The following PASK variants were observed in gnomAD, a reference collection of about 807,000 sequenced individuals.
PASK encodes PAS domain-containing serine/threonine-protein kinase.
A neutral mutation model predicts 121.0 loss-of-function variants in PASK; 110 were observed. That is an observed-to-expected ratio of 0.91 (90% CI 0.78 to 1.06). The LOEUF is 1.06. Ranked by LOEUF, PASK falls within the 50% of genes least tolerant of loss-of-function variation. PASK has a pLI of 0.00. For missense variants in PASK, 1,643 were observed against 1,702.3 expected, an observed-to-expected ratio of 0.97 and a Z score of 0.61; for synonymous variants, 686 against 717.8, an observed-to-expected ratio of 0.96 and a Z score of 0.71.
intron 15 of PASK, among the ~76,000 whole-genome samples, chr2:241,110,019 A>G (rs1244774403): frequency 2.0e-5 from 3 of 152,270 alleles, no homozygotes; most frequent in Non-Finnish European, 4.4e-5. Context: ...TTGTAGCAGC[A>G]TCACGAACAA....
At chr2:241,144,846 T>C (rs986463357) in intron 1 of PASK, among the ~76,000 whole-genome samples, 1 of 152,232 alleles carries the variant, frequency 6.6e-6, no homozygotes, top group African/African-American at 2.4e-5. Context: ...TGGCCATCTT[T>C]GGTGTTCTTG....
chr2:241,111,552 T>G (rs1198475229), intron 15 of PASK, among the ~76,000 whole-genome samples: 1 of 152,174 alleles, frequency 6.6e-6, no homozygotes, highest in Non-Finnish European at 1.5e-5. Flanking sequence ...GCAGACAGTC[T>G]CCACTCAGGC....
At position 241,106,729 on chromosome 2, in the gene PASK, G is replaced by T; in HGVS notation, c.3815-6C>A. Reference sequence around the variant, plus strand: ...AGCGGACAGAACTCCACTTTCTGAAGAAACAAGAAGGTAACTGTATCACGT... The same window carrying T: ...AGCGGACAGAACTCCACTTTCTGAATAAACAAGAAGGTAACTGTATCACGT... On this transcript the variant is annotated splice_polypyrimidine_tract_variant and splice_region_variant and intron_variant, in intron 17 of 17. Transcript: ENST00000234040. 2 of 1,613,862 alleles carry T rather than the reference G, an allele frequency of 1.2e-6. No homozygotes were observed. The highest frequency in any genetic ancestry group is 1.3e-5 in the African/African-American group (1 of 75,048).
At chr2:241,113,913 TA>T in intron 14 of PASK, 1 of 984,290 alleles carries the variant, frequency 1.0e-6, no homozygotes, top group Non-Finnish European at 1.2e-6. Context: ...TCATATACTT[TA>T]TAAAATTGTG....
intron 4 of PASK, among the ~76,000 whole-genome samples, chr2:241,139,400 A>G (rs2066594189): frequency 6.6e-6 from 1 of 152,098 alleles, no homozygotes; most frequent in African/African-American, 2.4e-5. Context: ...TCCACATCCA[A>G]CTCAGCTCAC....
chr2:241,114,128 A>C (rs1281087523), intron 14 of PASK: 1 of 985,278 alleles, frequency 1.0e-6, no homozygotes, highest in African/African-American at 1.7e-5. Flanking sequence ...AAAGTTTCAG[A>C]AACAAGTGTT....
chr2:241,131,610 G>A (rs1385964175), intron 9 of PASK, among the ~76,000 whole-genome samples: 4 of 152,088 alleles, frequency 2.6e-5, no homozygotes, highest in African/African-American at 7.2e-5. Context: ...CAGGCTCAAC[G>A]GCAGGCAGTC....
At chr2:241,115,536 C>T (rs2065294069) in intron 12 of PASK, 123 bp from the exon 13 acceptor site, 2 of 1,186,262 alleles carry the variant, frequency 1.7e-6, no homozygotes, top group Non-Finnish European at 2.5e-6. Flanking sequence ...TCAAGCATCC[C>T]ATTACACCAG....
rs1267463548 is a variant in PASK, at chr2:241,117,904, A to C, written c.3073-2491T>G. ...AATATATTCTAGCAAATGAAAAATAAACCTGGAAAAAAGAAGAAACTGGAC... is the reference window on the plus strand; with the variant it reads ...AATATATTCTAGCAAATGAAAAATACACCTGGAAAAAAGAAGAAACTGGAC... On this transcript the variant is annotated intron_variant, in intron 12 of 17. Transcript: ENST00000234040. 3.3e-5 allele frequency among the ~76,000 whole-genome samples: 5 copies of C among 152,320 alleles called. No individual in the cohort carries two copies. In the South Asian group the frequency reaches 8.3e-4, roughly 25 times the overall value.
In PASK at chr2:241,142,848, G is replaced by A. The variant is rs144572631; in HGVS notation, c.185C>T (p.Thr62Ile). The A allele has an allele frequency of 3.9e-4, 634 of 1,612,192 alleles. No homozygotes were observed. The highest frequency in any genetic ancestry group is 4.8e-4 in the Non-Finnish European group (568 of 1,178,674). Residue 62 changes from threonine (T) to isoleucine (I), a missense_variant, in exon 2 of 18, where the codon ACA becomes ATA. Coordinates refer to ENST00000234040, the MANE Select transcript of PASK (RefSeq NM_015148.4). Reference protein sequence around the residue: ...NGLSRLCQSRTALSEDRWSSY... With the variant: ...NGLSRLCQSRIALSEDRWSSY... Reference sequence around the variant, plus strand: ...TCGAAGGTCATTACCAGAGAGCGCTGTCCTGCTCTGGCAGAGTCTGGAAAG... The same window carrying A: ...TCGAAGGTCATTACCAGAGAGCGCTATCCTGCTCTGGCAGAGTCTGGAAAG...
rs995324835 is a variant in PASK, at chr2:241,138,634, A to G, written c.741+20T>C. On this transcript the variant is annotated intron_variant, in intron 5 of 17. Coordinates refer to ENST00000234040, the MANE Select transcript of PASK (RefSeq NM_015148.4). ...CCGGCTCCAGCGTCCATGAGACATGAGGCAAAGTTGCACACTCACATCGCT... is the reference window on the plus strand; with the variant it reads ...CCGGCTCCAGCGTCCATGAGACATGGGGCAAAGTTGCACACTCACATCGCT... 6.2e-7 allele frequency: 1 copy of G among 1,613,700 alleles called. No individual in the cohort carries two copies. The highest frequency in any genetic ancestry group is 1.7e-5 in the Admixed American group (1 of 60,030).
At chr2:241,143,177 A>C in intron 1 of PASK, 103 bp from the exon 2 acceptor site, 1 of 708,534 alleles carries the variant, frequency 1.4e-6, no homozygotes, top group African/African-American at 1.7e-5. Flanking sequence ...CCCAAAAGAC[A>C]TACACCACCA....
intron 1 of PASK, among the ~76,000 whole-genome samples, chr2:241,143,942 A>G (rs752947565): frequency 3.4e-4 from 52 of 152,258 alleles, no homozygotes; most frequent in African/African-American, 1.2e-3. Context: ...ATGCTGATAC[A>G]GGGTGGAAAT....
Position 241,146,553 on chromosome 2 carries a change from T to C in PASK, c.-43+2861A>G, listed in dbSNP as rs867768316. On this transcript the variant is annotated intron_variant, in intron 1 of 17. Coordinates refer to ENST00000234040, the MANE Select transcript of PASK (RefSeq NM_015148.4). ...TTAAATTCTGGTATATTCATACCACTAATTACAGCAGTGAAAACAAATAAA... is the reference window on the plus strand; with the variant it reads ...TTAAATTCTGGTATATTCATACCACCAATTACAGCAGTGAAAACAAATAAA... Among the ~76,000 whole-genome samples, 5 of 152,326 alleles carry C rather than the reference T, an allele frequency of 3.3e-5. 1 individual carries two copies. In the South Asian group the frequency reaches 1.0e-3, roughly 32 times the overall value.
Position 241,142,339 on chromosome 2 carries a change from G to A in PASK, c.196+498C>T, listed in dbSNP as rs188861028. Among the ~76,000 whole-genome samples, 9 of 152,292 alleles carry A rather than the reference G, an allele frequency of 5.9e-5. No individual in the cohort carries two copies. In the East Asian group the frequency reaches 1.7e-3, roughly 29 times the overall value. ...AGACAGCCCCTGAAAGGCAAGTGAC[G>A]CTTCCTTCCTCACCATGGCCCAGTC... On this transcript the variant is annotated intron_variant, in intron 2 of 17. Coordinates refer to ENST00000234040, the MANE Select transcript of PASK (RefSeq NM_015148.4).
chr2:241,132,759 G>C (rs2066224924), intron 9 of PASK, 115 bp downstream of exon 9: 1 of 902,552 alleles, frequency 1.1e-6, no homozygotes, highest in Admixed American at 1.9e-5. Flanking sequence ...ACACATGTGA[G>C]TTTTCAATGT....
Position 241,126,741 on chromosome 2 carries a change from C to A in PASK, c.2174G>T (p.Gly725Val). 6.2e-7 allele frequency: 1 copy of A among 1,614,078 alleles called. No homozygotes were observed. The highest frequency in any genetic ancestry group is 8.5e-7 in the Non-Finnish European group (1 of 1,180,034). Residue 725 changes from glycine (G) to valine (V), a missense_variant, in exon 10 of 18, where the codon GGC (glycine) becomes GTC (valine). Physicochemically the swap from Gly to Val is moderately radical, Grantham distance 109. Coordinates refer to ENST00000234040, the MANE Select transcript of PASK (RefSeq NM_015148.4). ...CYALATDLPG[G>V]LEAVEAQEVD... The stretch of plus-strand genomic sequence containing the variant: ...CTCCTGGGCCTCCACTGCTTCCAGG[C>A]CCCCAGGGAGGTCCGTGGCCAAGGC...
At chr2:241,125,366 C>T (rs1012536702) in intron 10 of PASK, among the ~76,000 whole-genome samples, 2 of 151,278 alleles carry the variant, frequency 1.3e-5, no homozygotes, top group Non-Finnish European at 2.9e-5. Context: ...TTTGGGAAGC[C>T]GAGGCGGGCG....
Position 241,126,638 on chromosome 2 carries a change from A to G in PASK, c.2277T>C (p.Cys759=). The G allele has an allele frequency of 6.2e-7, 1 of 1,614,196 alleles. No homozygotes were observed. Among genetic ancestry groups the G allele is most frequent in the Non-Finnish European group, 8.5e-7 (1 of 1,180,034 alleles). Residue 759 remains cysteine, a synonymous_variant, in exon 10 of 18, where the codon TGT becomes TGC. Coordinates refer to ENST00000234040, the MANE Select transcript of PASK (RefSeq NM_015148.4). ...CTCTGAGTTCAGACGTAGCACAGGAACAATTTGATGACGTTTGGTCTGTCT... is the reference window on the plus strand; with the variant it reads ...CTCTGAGTTCAGACGTAGCACAGGAGCAATTTGATGACGTTTGGTCTGTCT... ...SDQTDQTSSN[C]SCATSELRET...
Sources: allele counts gnomAD v4.1 joint callset (sites outside exome capture counted in the v4.1 genomes callset), GRCh38; gene constraint gnomAD v4.1.1; transcripts MANE v1.5; gene names NCBI Gene and HGNC (gene_info 2026-07-23, HGNC 2026-07-21).